Variants in RGS6 observed in about 807,000 individuals in gnomAD.
RGS6 encodes regulator of G-protein signaling 6.
A neutral mutation model predicts 78.5 loss-of-function variants in RGS6; 30 were observed. The ratio of observed to expected loss-of-function variants is 0.38; its 90% CI spans 0.29 to 0.52. The LOEUF is 0.52. Ranked by LOEUF, RGS6 falls within the 20% of genes least tolerant of loss-of-function variation. The pLI, the probability that RGS6 is intolerant of heterozygous loss-of-function variation, is 0.85. For missense variants in RGS6, 495 were observed against 609.7 expected (o/e 0.81, Z 1.98); for synonymous variants, 206 against 206.0 (o/e 1.00, Z 0.00).
chr14:72,315,517 G>A (rs1275409121), intron 2 of RGS6, among the ~76,000 whole-genome samples: 1 of 152,194 alleles, frequency 6.6e-6, no homozygotes, highest in African/African-American at 2.4e-5. Context: ...GTAATTCACT[G>A]TTGACAAAAT....
At chr14:72,318,912 G>C (rs1038851525) in intron 2 of RGS6, among the ~76,000 whole-genome samples, 1 of 152,132 alleles carries the variant, frequency 6.6e-6, no homozygotes, top group African/African-American at 2.4e-5. Context: ...AGAAGCAGTG[G>C]CTAAAATAAC....
chr14:72,291,497 C>T (rs1394085645), intron 2 of RGS6, among the ~76,000 whole-genome samples: 2 of 152,166 alleles, frequency 1.3e-5, no homozygotes, highest in South Asian at 2.1e-4. Flanking sequence ...GCTTTACTCC[C>T]TGCTGAATTT....
At chr14:72,345,817 A>G (rs2681735) in intron 2 of RGS6, among the ~76,000 whole-genome samples, 69,000 of 152,128 alleles carry the variant, frequency 0.45, 15,957 homozygotes, top group South Asian at 0.58. Context: ...AAATACATGC[A>G]AAAGTTGAAA....
At chr14:72,011,082 TA>T (rs1301204852) in intron 2 of RGS6, among the ~76,000 whole-genome samples, 1 of 152,254 alleles carries the variant, frequency 6.6e-6, no homozygotes, top group Non-Finnish European at 1.5e-5. Flanking sequence ...CTCCTGAAAG[TA>T]AATTTGTTGT....
chr14:71,936,731 TAAAG>T (rs1026826698), intron 1 of RGS6, among the ~76,000 whole-genome samples: 5 of 152,176 alleles, frequency 3.3e-5, no homozygotes, highest in Non-Finnish European at 1.5e-5. Flanking sequence ...TGTCACATGA[TAAAG>T]GAAAAGGAAA....
intron 17 of RGS6, among the ~76,000 whole-genome samples, chr14:72,542,106 A>T (rs1483915794): frequency 3.3e-5 from 5 of 151,562 alleles, no homozygotes; most frequent in African/African-American, 7.3e-5. Flanking sequence ...CCAAACTATT[A>T]AAAAAAACTA....
chr14:72,484,920 C>T (rs1475803015), intron 12 of RGS6, among the ~76,000 whole-genome samples: 3 of 146,268 alleles, frequency 2.1e-5, no homozygotes, highest in African/African-American at 7.6e-5. Flanking sequence ...CCCCTGGTAG[C>T]CATCTGGTAG....
chr14:72,435,029 C>T (rs2094836138), intron 3 of RGS6, among the ~76,000 whole-genome samples: 1 of 152,208 alleles, frequency 6.6e-6, no homozygotes, highest in Non-Finnish European at 1.5e-5. Context: ...ACTCAAAGCC[C>T]TGTTTGAGCC....
At chr14:72,043,773 A>G (rs1334467071) in intron 2 of RGS6, among the ~76,000 whole-genome samples, 1 of 152,052 alleles carries the variant, frequency 6.6e-6, no homozygotes, top group Admixed American at 6.6e-5. Flanking sequence ...GGTGTCTGTC[A>G]TTTATTTTGG....
At chr14:71,939,801 C>G (rs116154516) in intron 1 of RGS6, among the ~76,000 whole-genome samples, 2,064 of 152,330 alleles carry the variant, frequency 0.014, 42 homozygotes, top group African/African-American at 0.044. Flanking sequence ...GTGGGAATCA[C>G]CATCCCTGCA....
At chr14:72,273,830 C>G (rs1047208122) in intron 2 of RGS6, among the ~76,000 whole-genome samples, 3 of 152,060 alleles carry the variant, frequency 2.0e-5, no homozygotes, top group African/African-American at 7.2e-5. Context: ...CAAAAGCTAT[C>G]AATAAAGAAA....
At chr14:72,376,087 T>C (rs1316563764) in intron 3 of RGS6, among the ~76,000 whole-genome samples, 1 of 152,122 alleles carries the variant, frequency 6.6e-6, no homozygotes, top group African/African-American at 2.4e-5. Context: ...TTCAGTGAAA[T>C]ATAAGAAAAT....
At chr14:72,415,543 G>C (rs1040342291) in intron 3 of RGS6, among the ~76,000 whole-genome samples, 67 of 152,338 alleles carry the variant, frequency 4.4e-4, no homozygotes, top group Non-Finnish European at 8.8e-5. Context: ...TGCACCCACT[G>C]TCCTGCACCC....
At chr14:72,404,116 G>T (rs140192381) in intron 3 of RGS6, among the ~76,000 whole-genome samples, 113 of 152,328 alleles carry the variant, frequency 7.4e-4, no homozygotes, top group African/African-American at 2.6e-3. Context: ...CATGGCATGA[G>T]GAGGAAAGGG....
chr14:72,480,654 G>T (rs2153367670), intron 12 of RGS6, among the ~76,000 whole-genome samples: 1 of 152,294 alleles, frequency 6.6e-6, no homozygotes, highest in South Asian at 2.1e-4. Flanking sequence ...AAGCAGCTGG[G>T]AGCCGGGCCT....
intron 2 of RGS6, among the ~76,000 whole-genome samples, chr14:72,313,475 G>A (rs1334921891): frequency 1.3e-5 from 2 of 152,146 alleles, no homozygotes; most frequent in African/African-American, 4.8e-5. Context: ...TTCTTCTCTT[G>A]ATAGCCTTAA....
At chr14:72,230,073 G>C (rs1317400205) in intron 2 of RGS6, among the ~76,000 whole-genome samples, 1 of 152,210 alleles carries the variant, frequency 6.6e-6, no homozygotes, top group Non-Finnish European at 1.5e-5. Flanking sequence ...ACTTGGAATT[G>C]GGGTATCAAA....
chr14:72,438,741 T>C (rs1181633674), intron 3 of RGS6, among the ~76,000 whole-genome samples: 1 of 152,238 alleles, frequency 6.6e-6, no homozygotes, highest in Non-Finnish European at 1.5e-5. Flanking sequence ...TCCTTGCTTC[T>C]ACTCCTCTCC....
chr14:72,403,714 T>C (rs1422794978), intron 3 of RGS6, among the ~76,000 whole-genome samples: 2 of 152,134 alleles, frequency 1.3e-5, no homozygotes, highest in Non-Finnish European at 2.9e-5. Context: ...CCTATAAAGA[T>C]GTATAATTAT....
Sources: gnomAD v4.1 joint callset for allele counts (sites outside exome capture counted in the v4.1 genomes callset) on GRCh38, gnomAD v4.1.1 for gene constraint, MANE v1.5 for transcripts, NCBI Gene and HGNC (gene_info 2026-07-23, HGNC 2026-07-21) for gene names.